CSNK1G3: variants seen among roughly 807,000 people sequenced by gnomAD.
CSNK1G3 encodes the protein casein kinase I isoform gamma-3.
A neutral mutation model predicts 64.3 loss-of-function variants in CSNK1G3; 23 were observed. The ratio of observed to expected loss-of-function variants is 0.36; its 90% CI spans 0.26 to 0.51. The LOEUF (loss-of-function observed/expected upper bound fraction) is 0.51, where lower values mean the gene tolerates loss of function less well. Among genes scored for constraint, CSNK1G3 ranks in the 20% least tolerant of loss-of-function variants. The pLI is 0.96. For synonymous variants in CSNK1G3, 158 were observed against 162.2 expected (o/e 0.97, Z 0.20); for missense variants, 357 against 510.5 (o/e 0.70, Z 2.90).
intron 1 of CSNK1G3, among the ~76,000 whole-genome samples, chr5:123,539,175 A>G (rs1185210085): frequency 6.6e-6 from 1 of 152,118 alleles, no homozygotes; most frequent in Non-Finnish European, 1.5e-5. Context: ...GTCTGTAGAA[A>G]TGATCTCATT....
intron 1 of CSNK1G3, among the ~76,000 whole-genome samples, chr5:123,526,137 A>C (rs972157256): frequency 6.6e-6 from 1 of 152,086 alleles, no homozygotes; most frequent in Admixed American, 6.5e-5. Context: ...TGCTGGGCTC[A>C]GGTGATACTC....
chr5:123,552,727 A>G (rs1018922244), intron 2 of CSNK1G3, among the ~76,000 whole-genome samples: 1 of 152,208 alleles, frequency 6.6e-6, no homozygotes, highest in Non-Finnish European at 1.5e-5. Flanking sequence ...AAATGAAATG[A>G]TAGTTGGAAG....
intron 2 of CSNK1G3, among the ~76,000 whole-genome samples, chr5:123,551,145 A>G (rs1191026453): frequency 6.6e-6 from 1 of 152,184 alleles, no homozygotes; most frequent in Non-Finnish European, 1.5e-5. Flanking sequence ...TTATGAAAAG[A>G]TGATAATATG....
At chr5:123,608,362 A>G (rs1011556441) in intron 12 of CSNK1G3, among the ~76,000 whole-genome samples, 2 of 152,326 alleles carry the variant, frequency 1.3e-5, no homozygotes, top group Non-Finnish European at 2.9e-5. Flanking sequence ...CCCATATGGA[A>G]AATGATGGAA....
At chr5:123,525,114 A>C (rs564377184) in intron 1 of CSNK1G3, among the ~76,000 whole-genome samples, 1 of 152,272 alleles carries the variant, frequency 6.6e-6, no homozygotes, top group African/African-American at 2.4e-5. Context: ...GCTCATTTAA[A>C]CTATGTGATG....
intron 1 of CSNK1G3, among the ~76,000 whole-genome samples, chr5:123,542,934 C>G (rs1003624504): frequency 8.3e-6 from 1 of 120,890 alleles, no homozygotes; most frequent in Non-Finnish European, 1.7e-5. Context: ...TTTTTTTTTT[C>G]CGCCCTCTTC....
intron 10 of CSNK1G3, among the ~76,000 whole-genome samples, chr5:123,598,590 G>T (rs1040019052): frequency 2.6e-5 from 4 of 152,086 alleles, no homozygotes; most frequent in Non-Finnish European, 1.5e-5. Flanking sequence ...AGGCAGAGAA[G>T]ACAATATGAA....
intron 6 of CSNK1G3, among the ~76,000 whole-genome samples, chr5:123,585,763 T>C (rs1791216367): frequency 1.3e-5 from 2 of 152,212 alleles, no homozygotes. Flanking sequence ...TTATACTTCA[T>C]AGCCACTAGC....
At chr5:123,530,913 A>G (rs1457869843) in intron 1 of CSNK1G3, among the ~76,000 whole-genome samples, 2 of 152,182 alleles carry the variant, frequency 1.3e-5, no homozygotes, top group South Asian at 2.1e-4. Flanking sequence ...AGCTAATGCC[A>G]GAAACCAGTA....
Position 123,609,595 on chromosome 5 carries a change from C to G in CSNK1G3, c.1217+4233C>G, listed in dbSNP as rs1345684863. ...AGAGAGAGGTATAAAAATTATAATA[C>G]AAAGTGACAGAGACTGTATAACTCT... On this transcript the variant is annotated intron_variant, in intron 12 of 12. Transcript: ENST00000345990. 3.9e-5 allele frequency among the ~76,000 whole-genome samples: 6 copies of G among 152,210 alleles called. No homozygotes were observed. The South Asian group carries it at 1.2e-3, about 32-fold the overall frequency.
intron 12 of CSNK1G3, among the ~76,000 whole-genome samples, chr5:123,611,157 G>A (rs139227071): frequency 8.1e-4 from 124 of 152,202 alleles, no homozygotes; most frequent in African/African-American, 2.9e-3. Context: ...TAGCTGTTTC[G>A]GTAATTACTT....
At chr5:123,555,489 A>G (rs1413820353) in intron 3 of CSNK1G3, among the ~76,000 whole-genome samples, 1 of 152,170 alleles carries the variant, frequency 6.6e-6, no homozygotes, top group Non-Finnish European at 1.5e-5. Flanking sequence ...GCTCGGTACA[A>G]ATAAAGGCAT....
exon 13 of CSNK1G3, chr5:123,616,932 A>T (rs149673281): frequency 9.2e-5 from 14 of 152,258 alleles, no homozygotes; most frequent in African/African-American, 3.1e-4. Context: ...CTTTCTTGAA[A>T]TCCAGTGGTA....
chr5:123,604,697 T>A (rs375178767), intron 10 of CSNK1G3, 27 bp from the exon 12 acceptor site: 10 of 1,345,370 alleles, frequency 7.4e-6, no homozygotes, highest in Non-Finnish European at 1.1e-5. Flanking sequence ...TACATATACA[T>A]ATATAAAAAA....
At chr5:123,590,501 G>A in exon 9 of CSNK1G3, 2 of 1,544,152 alleles carry the variant, frequency 1.3e-6, no homozygotes. Context: ...TTACTGACTT[G>A]TTTGATCGAA....
intron 10 of CSNK1G3, among the ~76,000 whole-genome samples, chr5:123,602,757 G>A (rs1405203616): frequency 1.3e-5 from 2 of 152,148 alleles, no homozygotes; most frequent in East Asian, 3.8e-4. Flanking sequence ...GGATATGGGT[G>A]AGTGGTTAGG....
At chr5:123,561,978 G>T (rs1785827469) in intron 4 of CSNK1G3, among the ~76,000 whole-genome samples, 1 of 151,980 alleles carries the variant, frequency 6.6e-6, no homozygotes. Flanking sequence ...TTCGAATTGG[G>T]CTTCCTTTTG....
chr5:123,525,709 A>T (rs1399732647), intron 1 of CSNK1G3, among the ~76,000 whole-genome samples: 1 of 152,006 alleles, frequency 6.6e-6, no homozygotes, highest in African/African-American at 2.4e-5. Flanking sequence ...AAGTAGAAAT[A>T]CTGGCTGGGC....
chr5:123,543,172 G>A (rs1017340216), intron 1 of CSNK1G3, among the ~76,000 whole-genome samples: 29 of 151,998 alleles, frequency 1.9e-4, no homozygotes, highest in African/African-American at 6.3e-4. Context: ...TTTGAGACTT[G>A]AGTTTTGTTC....
Sources: allele counts gnomAD v4.1 joint callset (sites outside exome capture counted in the v4.1 genomes callset), GRCh38; gene constraint gnomAD v4.1.1; transcripts MANE v1.5; gene names NCBI Gene and HGNC (gene_info 2026-07-23, HGNC 2026-07-21).